Variants in NAV3 observed in about 807,000 individuals in gnomAD.
The protein encoded by NAV3 is neuron navigator 3, also known as pore membrane and/or filament interacting like protein 1.
A neutral mutation model predicts 244.7 loss-of-function variants in NAV3; 87 were observed. The ratio of observed to expected loss-of-function variants is 0.36; its 90% confidence interval spans 0.30 to 0.42. The LOEUF is 0.42. Ranked by LOEUF, NAV3 falls within the 20% of genes least tolerant of loss-of-function variation. The probability of loss-of-function intolerance (pLI) is 1.00; values close to 1 mark genes in which losing one functional copy is unlikely to be tolerated. For missense variants in NAV3, 2,663 were observed against 2,893.3 expected (o/e 0.92, Z 1.83); for synonymous variants, 1,126 against 1,042.2 (o/e 1.08, Z -1.55).
intron 5 of NAV3, among the ~76,000 whole-genome samples, chr12:77,974,457 A>T (rs1295786401): frequency 3.7e-4 from 53 of 142,238 alleles, no homozygotes; most frequent in African/African-American, 1.0e-3. Context: ...GTTTATTATT[A>T]TTTTTTTTTT....
At chr12:78,060,108 G>A (rs34507505) in intron 12 of NAV3, among the ~76,000 whole-genome samples, 18,842 of 151,994 alleles carry the variant, frequency 0.12, 1,274 homozygotes, top group Non-Finnish European at 0.15. Flanking sequence ...GCCTGATTTT[G>A]CTCCCTCTTC....
chr12:77,763,023 A>G (rs1427412526), intron 2 of NAV3, among the ~76,000 whole-genome samples: 1 of 152,206 alleles, frequency 6.6e-6, no homozygotes, highest in African/African-American at 2.4e-5. Context: ...TCAGAATTTT[A>G]GAGCATGAAC....
At chr12:77,865,795 A>ATG (rs1260992171) in intron 1 of NAV3, among the ~76,000 whole-genome samples, 3 of 15,458 alleles carry the variant, frequency 1.9e-4, no homozygotes, top group Non-Finnish European at 6.3e-4. Flanking sequence ...ACACGTATAT[A>ATG]TGCGTGTGTG....
intron 1 of NAV3, among the ~76,000 whole-genome samples, chr12:77,853,989 T>G (rs563292286): frequency 2.0e-5 from 3 of 152,330 alleles, no homozygotes; most frequent in Admixed American, 2.0e-4. Flanking sequence ...GGAAGCAGTC[T>G]GTTAGCAGGT....
chr12:77,708,324 C>A (rs1204019158), intron 2 of NAV3, among the ~76,000 whole-genome samples: 1 of 152,118 alleles, frequency 6.6e-6, no homozygotes, highest in African/African-American at 2.4e-5. Context: ...AATCCTTTCC[C>A]CATTTCTTGT....
chr12:77,660,118 A>T (rs190125935), intron 2 of NAV3, among the ~76,000 whole-genome samples: 46 of 152,318 alleles, frequency 3.0e-4, no homozygotes, highest in Middle Eastern at 3.4e-3. Context: ...ATAATAATAA[A>T]AAAAAAAGAA....
rs986530270 is a variant in NAV3, at chr12:77,789,673, G to T, written c.73-150646G>T. On this transcript the variant is annotated intron_variant, in intron 2 of 8. Coordinates refer to the NAV3 transcript ENST00000550042. ...AAAAATACAAAAAGCAGCCGGGTGT[G>T]GTGGTGGGTGCCTGTAATCTCAGCT... Among the ~76,000 whole-genome samples the T allele has an allele frequency of 5.3e-5, 8 of 151,976 alleles. No individual in the cohort carries two copies. In the South Asian group the frequency reaches 6.2e-4, roughly 12 times the overall value.
chr12:78,137,355 C>T lies in NAV3; in HGVS notation c.4620C>T (p.Ser1540=), dbSNP rs1485402026. Residue 1540 remains serine, a synonymous_variant, in exon 19 of 40, where the codon AGC becomes AGT. Transcript: ENST00000397909. ...GTCATTCGGGCTCATTCAGAGACAG[C>T]ATGGAAGAAGGTAAGCGTTGAGGGG... The part of the protein sequence containing the change: ...AISHSGSFRD[S]MEEVHGSSLS... 1 of 1,610,208 alleles carries T rather than the reference C, an allele frequency of 6.2e-7. No homozygotes were observed. The highest frequency in any genetic ancestry group is 1.7e-5 in the Admixed American group (1 of 59,706).
At position 77,831,491 on chromosome 12, in the gene NAV3, G is replaced by A. The variant is rs2136074563; in HGVS notation, c.30G>A (p.Leu10=). ...CTGTTCTTGGGGTTGCCTCAAAACT[G>A]AGGCAGCCAGCTGTTGGGTCAAAGC... The part of the protein sequence containing the change: MPVLGVASK[L]RQPAVGSKPV... Residue 10 remains leucine, a synonymous_variant, in exon 1 of 40, where the codon CTG becomes CTA. Transcript: ENST00000397909. 6.2e-7 allele frequency: 1 copy of A among 1,609,006 alleles called. No individual in the cohort carries two copies. The highest frequency in any genetic ancestry group is 2.2e-5 in the East Asian group (1 of 44,844).
intron 1 of NAV3, among the ~76,000 whole-genome samples, chr12:77,925,496 A>T (rs999820614): frequency 1.2e-4 from 18 of 150,968 alleles, no homozygotes; most frequent in African/African-American, 4.2e-4. Context: ...GCATTCCAGC[A>T]ATTGTGGTGC....
intron 2 of NAV3, among the ~76,000 whole-genome samples, chr12:77,653,942 G>A (rs1361591911): frequency 1.5e-5 from 2 of 129,156 alleles, no homozygotes; most frequent in Non-Finnish European, 3.4e-5. Context: ...GATACCCCCT[G>A]AAGTAAAGAA....
intron 2 of NAV3, among the ~76,000 whole-genome samples, chr12:77,646,372 G>C (rs1445168874): frequency 1.3e-5 from 2 of 152,178 alleles, no homozygotes; most frequent in African/African-American, 4.8e-5. Flanking sequence ...CTGTGAGACA[G>C]AGGCAGAGAA....
At chr12:77,922,279 A>T (rs1190652374) in intron 1 of NAV3, among the ~76,000 whole-genome samples, 4 of 151,610 alleles carry the variant, frequency 2.6e-5, no homozygotes, top group Admixed American at 1.3e-4. Flanking sequence ...TTTTGTTTTG[A>T]TTTGTTTGTC....
intron 2 of NAV3, among the ~76,000 whole-genome samples, chr12:77,584,834 A>G (rs1315514998): frequency 6.6e-6 from 1 of 152,178 alleles, no homozygotes; most frequent in Admixed American, 6.5e-5. Flanking sequence ...TTTAACATTT[A>G]GTATTTGATT....
chr12:77,826,469 G>A (rs1450612511), upstream of NAV3, among the ~76,000 whole-genome samples: 1 of 152,074 alleles, frequency 6.6e-6, no homozygotes, highest in East Asian at 1.9e-4. Flanking sequence ...TCCAGCCTGG[G>A]TGACAGAGCG....
At position 78,193,318 on chromosome 12, in the gene NAV3, C is replaced by T. The variant is rs1565787484; in HGVS notation, c.6291+3099C>T. Among the ~76,000 whole-genome samples the T allele has an allele frequency of 3.3e-5, 5 of 152,192 alleles. No individual in the cohort carries two copies. The South Asian group carries it at 6.2e-4, about 19-fold the overall frequency. Reference sequence around the variant, plus strand: ...ATAAACAATTACACTTTGTGACATTCGATATAGTAGGCCCAGAGGGCTAGA... The same window carrying T: ...ATAAACAATTACACTTTGTGACATTTGATATAGTAGGCCCAGAGGGCTAGA... On this transcript the variant is annotated intron_variant, in intron 34 of 39. Coordinates refer to ENST00000397909, the MANE Select transcript of NAV3 (RefSeq NM_001024383.2).
chr12:78,188,461 T>C, intron 32 of NAV3, 118 bp downstream of exon 32: 1 of 1,174,180 alleles, frequency 8.5e-7, no homozygotes, highest in Middle Eastern at 2.0e-4. Flanking sequence ...AGGAAAGCTT[T>C]CTGTTTGTGC....
chr12:78,074,423 C>T (rs1456335722), intron 12 of NAV3, among the ~76,000 whole-genome samples: 2 of 152,134 alleles, frequency 1.3e-5, no homozygotes. Context: ...ATGATGTAGC[C>T]AGGCGCAGTG....
chr12:77,939,506 A>G (rs1357104083), intron 1 of NAV3, among the ~76,000 whole-genome samples: 1 of 152,144 alleles, frequency 6.6e-6, no homozygotes, highest in Non-Finnish European at 1.5e-5. Flanking sequence ...CATATGTACC[A>G]CCCATAAAGC....
Sources: allele counts gnomAD v4.1 joint callset (sites outside exome capture counted in the v4.1 genomes callset), GRCh38; gene constraint gnomAD v4.1.1; transcripts MANE v1.5; gene names NCBI Gene and HGNC (gene_info 2026-07-23, HGNC 2026-07-21).